PDK1: variants seen among roughly 807,000 people sequenced by gnomAD.
The protein encoded by PDK1 is [Pyruvate dehydrogenase (acetyl-transferring)] kinase isozyme 1, mitochondrial.
In PDK1, 39 loss-of-function variants were observed where a neutral mutation model predicts 54.2. That is an observed-to-expected ratio of 0.72 (90% confidence interval 0.56 to 0.94). The LOEUF is 0.94. Among genes scored for constraint, PDK1 ranks in the 40% least tolerant of loss-of-function variants. PDK1 has a pLI of 0.00. For missense variants in PDK1, 552 were observed against 566.0 expected, an observed-to-expected ratio of 0.98 and a Z score of 0.25; for synonymous variants, 221 against 207.1, an observed-to-expected ratio of 1.07 and a Z score of -0.58.
chr2:172,706,449 G>T, the PDK1 span, among the ~76,000 whole-genome samples: 1 of 151,128 alleles, frequency 6.6e-6, no homozygotes, highest in African/African-American at 2.4e-5. Flanking sequence ...CTTTGAGACA[G>T]GGTCTAGCTC....
At chr2:172,615,928 G>C in the PDK1 span, among the ~76,000 whole-genome samples, 1 of 152,200 alleles carries the variant, frequency 6.6e-6, no homozygotes, top group African/African-American at 2.4e-5. Flanking sequence ...TTTAGGGAGT[G>C]CCTACAACGG....
the PDK1 span, among the ~76,000 whole-genome samples, chr2:172,706,926 C>T: frequency 6.6e-6 from 1 of 152,160 alleles, no homozygotes; most frequent in Admixed American, 6.5e-5. Context: ...GGAGGGTCTC[C>T]TTGTTCCTGC....
intron 9 of PDK1, among the ~76,000 whole-genome samples, chr2:172,592,296 T>C (rs939327789): frequency 1.3e-5 from 2 of 152,194 alleles, no homozygotes; most frequent in African/African-American, 2.4e-5. Context: ...TTACTACTTC[T>C]ATCTCTCTTT....
At chr2:172,575,869 T>C (rs1284521253) in intron 8 of PDK1, among the ~76,000 whole-genome samples, 1 of 152,158 alleles carries the variant, frequency 6.6e-6, no homozygotes, top group Admixed American at 6.5e-5. Context: ...ACATTTGATA[T>C]CTATTTAGAT....
At chr2:172,645,548 T>C in the PDK1 span, among the ~76,000 whole-genome samples, 3 of 152,178 alleles carry the variant, frequency 2.0e-5, no homozygotes, top group African/African-American at 7.2e-5. Flanking sequence ...TGTAAGCCAC[T>C]GTGCCTGGCC....
chr2:172,671,924 C>T, the PDK1 span, among the ~76,000 whole-genome samples: 2 of 152,038 alleles, frequency 1.3e-5, no homozygotes, highest in Non-Finnish European at 2.9e-5. Flanking sequence ...GATGAATTCT[C>T]AATAAATATT....
At chr2:172,695,033 A>G in the PDK1 span, among the ~76,000 whole-genome samples, 1 of 152,122 alleles carries the variant, frequency 6.6e-6, no homozygotes, top group African/African-American at 2.4e-5. Flanking sequence ...TGGGAGAATC[A>G]CTTGAACCCA....
In PDK1 at chr2:172,596,799, A is replaced by T. The variant is rs1690916421; in HGVS notation, c.*830A>T. ...AGAGCTTTTCTGCATCCTACTCCAGATACACTGAATCGGAATCCCTAGGGC... is the reference window on the plus strand; with the variant it reads ...AGAGCTTTTCTGCATCCTACTCCAGTTACACTGAATCGGAATCCCTAGGGC... On this transcript the variant is annotated 3_prime_UTR_variant, in exon 11 of 11. Coordinates refer to ENST00000282077, the MANE Select transcript of PDK1 (RefSeq NM_002610.5). 6.6e-6 allele frequency: 1 copy of T among 152,226 alleles called. No individual in the cohort carries two copies. Among genetic ancestry groups the T allele is most frequent in the African/African-American group, 2.4e-5 (1 of 41,468 alleles). 9.4% of individuals were successfully genotyped at this position (152,226 alleles called of 1,614,324 possible). A position where few individuals can be genotyped will look rare whatever the true frequency, so the allele number is the denominator to read the frequency against.
At chr2:172,719,722 C>T in the PDK1 span, among the ~76,000 whole-genome samples, 2 of 151,920 alleles carry the variant, frequency 1.3e-5, no homozygotes, top group Admixed American at 6.6e-5. Flanking sequence ...TGTTTTCTTA[C>T]AGTTTTCATC....
rs943157387 is a variant in PDK1, at chr2:172,596,321, A to G, written c.*352A>G. On this transcript the variant is annotated 3_prime_UTR_variant, in exon 11 of 11. Coordinates refer to ENST00000282077, the MANE Select transcript of PDK1 (RefSeq NM_002610.5). ...ACTTTCATTTATGTTTGCTAGAAAC[A>G]TTTTCTAAATGATAGTGATTAGCTG... 1 of 163,032 alleles carries G rather than the reference A, an allele frequency of 6.1e-6. No homozygotes were observed. Among genetic ancestry groups the G allele is most frequent in the Admixed American group, 6.0e-5 (1 of 16,664 alleles). The allele number at this position is 163,032 out of a possible 1,614,324, so 10.1% of individuals were successfully genotyped here. A position where few individuals can be genotyped will look rare whatever the true frequency, so the allele number is the denominator to read the frequency against.
downstream of PDK1, among the ~76,000 whole-genome samples, chr2:172,608,852 G>T (rs747918914): frequency 2.0e-5 from 3 of 152,144 alleles, no homozygotes; most frequent in African/African-American, 4.8e-5. Flanking sequence ...ATGGGCTTTT[G>T]TAGGTCCTGG....
the PDK1 span, among the ~76,000 whole-genome samples, chr2:172,645,254 A>G: frequency 9.3e-5 from 12 of 129,106 alleles, no homozygotes; most frequent in East Asian, 3.2e-3. Context: ...CACAGTACAA[A>G]ATAGGCTTTT....
chr2:172,650,460 C>T, the PDK1 span, among the ~76,000 whole-genome samples: 1 of 152,264 alleles, frequency 6.6e-6, no homozygotes, highest in Admixed American at 6.5e-5. Context: ...ATCATAATGA[C>T]AGGATCAAAT....
chr2:172,610,871 A>G (rs1691440386), downstream of PDK1, among the ~76,000 whole-genome samples: 1 of 152,160 alleles, frequency 6.6e-6, no homozygotes, highest in Non-Finnish European at 1.5e-5. Flanking sequence ...TCGGCCTCCC[A>G]TAGTGGCTGG....
the PDK1 span, among the ~76,000 whole-genome samples, chr2:172,622,446 AT>A: frequency 2.0e-5 from 3 of 146,550 alleles, no homozygotes; most frequent in African/African-American, 7.6e-5. Context: ...TATATCTCAT[AT>A]ATTATGTGAG....
At chr2:172,665,362 T>C in the PDK1 span, among the ~76,000 whole-genome samples, 1 of 152,184 alleles carries the variant, frequency 6.6e-6, no homozygotes, top group Non-Finnish European at 1.5e-5. Flanking sequence ...CCTGCAGCTC[T>C]CTAGGTTTGC....
At position 172,607,769 on chromosome 2, in the gene PDK1, A is replaced by C. The variant is rs376850464; in HGVS notation, c.*11800A>C. The stretch of plus-strand genomic sequence containing the variant: ...GCAAGGACCAGAAGGCAGCAGGGGA[A>C]GGAAAAGGAGCAGGGGATAGGGGAA... On this transcript the variant is annotated 3_prime_UTR_variant, in exon 11 of 11. Transcript: ENST00000282077. 26 of 153,408 alleles carry C rather than the reference A, an allele frequency of 1.7e-4. No individual in the cohort carries two copies. Among genetic ancestry groups the C allele is most frequent in the African/African-American group, 6.3e-4 (26 of 41,588 alleles). 9.5% of individuals were successfully genotyped at this position (153,408 alleles called of 1,614,324 possible).
chr2:172,568,327 CAAAAAAAAAAAAA>C lies in PDK1; in HGVS notation c.770-403_770-391del, dbSNP rs11400625. Reference sequence around the variant, plus strand: ...TGGGCAACAGAGCAAGACTCCGTCTCAAAAAAAAAAAAAAAAAAAAAAAGAAGAAGAAGAATGT... The same window carrying C: ...TGGGCAACAGAGCAAGACTCCGTCTCAAAAAAAAAAGAAGAAGAAGAATGT... On this transcript the variant is annotated intron_variant, in intron 6 of 10. Coordinates refer to ENST00000282077, the MANE Select transcript of PDK1 (RefSeq NM_002610.5). Among the ~76,000 whole-genome samples the C allele has an allele frequency of 8.1e-4, 46 of 57,114 alleles. No homozygotes were observed. In the East Asian group the frequency reaches 0.023, roughly 28 times the overall value. 37.5% of individuals were successfully genotyped at this position (57,114 alleles called of 152,430 possible).
chr2:172,700,145 A>T, the PDK1 span, among the ~76,000 whole-genome samples: 1 of 152,192 alleles, frequency 6.6e-6, no homozygotes, highest in Admixed American at 6.5e-5. Flanking sequence ...GGAGTCTCCT[A>T]TGTCTACTTC....
Sources: gnomAD v4.1 joint callset for allele counts (sites outside exome capture counted in the v4.1 genomes callset) on GRCh38, gnomAD v4.1.1 for gene constraint, MANE v1.5 for transcripts, NCBI Gene and HGNC (gene_info 2026-07-23, HGNC 2026-07-21) for gene names.